The following TTC7A variants were observed in gnomAD, a reference collection of about 807,000 sequenced individuals.
TTC7A encodes tetratricopeptide repeat domain 7A.
Under a neutral mutation model 103.7 loss-of-function variants are expected in TTC7A, and 110 were observed. The observed-to-expected ratio is 1.06, with a 90% CI of 0.91 to 1.24. TTC7A has a LOEUF of 1.24. Among genes scored for constraint, TTC7A ranks in the 50% most tolerant of loss-of-function variants. The pLI is 0.00. For missense variants in TTC7A, 1,340 were observed against 1,116.3 expected, an observed-to-expected ratio of 1.20 and a Z score of -2.86; for synonymous variants, 521 against 467.9, an observed-to-expected ratio of 1.11 and a Z score of -1.47.
At chr2:46,979,268 T>C (rs1209036652) in intron 5 of TTC7A, among the ~76,000 whole-genome samples, 2 of 152,120 alleles carry the variant, frequency 1.3e-5, no homozygotes, top group Non-Finnish European at 2.9e-5. Flanking sequence ...TTGTCTACTG[T>C]TGTCTGCAGT....
intron 3 of TTC7A, among the ~76,000 whole-genome samples, chr2:46,967,104 T>C (rs1672928274): frequency 6.6e-6 from 1 of 151,946 alleles, no homozygotes; most frequent in African/African-American, 2.4e-5. Context: ...TTCCAGCTAC[T>C]CAGGAGGCTG....
chr2:47,010,823 C>T (rs1332148188), intron 10 of TTC7A, among the ~76,000 whole-genome samples: 1 of 152,208 alleles, frequency 6.6e-6, no homozygotes, highest in African/African-American at 2.4e-5. Context: ...TCTCAGCCTC[C>T]TGAGTCGTTG....
At chr2:47,024,155 GC>G (rs766037376) in intron 13 of TTC7A, 131 bp from the exon 14 acceptor site, 16 of 742,744 alleles carry the variant, frequency 2.2e-5, no homozygotes, top group Non-Finnish European at 2.6e-5. Flanking sequence ...CCCCTCTGAG[GC>G]AGAGCCTGGC....
intron 11 of TTC7A, 58 bp from the exon 12 acceptor site, chr2:47,021,804 T>C (rs1386211137): frequency 7.2e-7 from 1 of 1,381,394 alleles, no homozygotes; most frequent in Non-Finnish European, 1.0e-6. Context: ...AGGGAGTCAT[T>C]CACTGGTAGA....
chr2:46,950,556 T>A (rs770005025), intron 2 of TTC7A, 30 bp downstream of exon 2: 10 of 1,610,872 alleles, frequency 6.2e-6, no homozygotes. Context: ...GCCTGAGACC[T>A]CCTCTCCTCG....
Position 47,024,195 on chromosome 2 carries a change from G to A in TTC7A, c.1569-92G>A, listed in dbSNP as rs79506991. The A allele has an allele frequency of 2.3e-3, 2,632 of 1,146,600 alleles. 5 individuals are homozygous for A. The highest frequency in any genetic ancestry group is 3.5e-3 in the African/African-American group (221 of 62,664). The allele number at this position is 1,146,600 out of a possible 1,614,324, so 71.0% of individuals were successfully genotyped here. A position where few individuals can be genotyped will look rare whatever the true frequency, so the allele number is the denominator to read the frequency against. The stretch of plus-strand genomic sequence containing the variant: ...ATCCCCCAGGGTATTGCCTCATAGC[G>A]CCCAGCACAGGGCTGGCATGCTGGA... On this transcript the variant is annotated intron_variant, in intron 13 of 19. Coordinates refer to ENST00000319190, the MANE Select transcript of TTC7A (RefSeq NM_020458.4).
At chr2:47,030,886 C>G (rs1680461780) in intron 15 of TTC7A, among the ~76,000 whole-genome samples, 1 of 152,244 alleles carries the variant, frequency 6.6e-6, no homozygotes, top group Non-Finnish European at 1.5e-5. Context: ...TGGCTCATGC[C>G]TATAATCCCA....
intron 1 of TTC7A, among the ~76,000 whole-genome samples, chr2:46,947,058 C>T (rs1439655649): frequency 6.6e-6 from 1 of 152,172 alleles, no homozygotes; most frequent in Admixed American, 6.5e-5. Flanking sequence ...AAGGACAGTT[C>T]TTATCCCTGT....
intron 19 of TTC7A, among the ~76,000 whole-genome samples, chr2:47,062,867 A>G (rs770713450): frequency 6.6e-6 from 1 of 152,042 alleles, no homozygotes; most frequent in Non-Finnish European, 1.5e-5. Context: ...TGCCTTGCTG[A>G]TTTGATGAAA....
chr2:47,046,309 C>A lies in TTC7A; in HGVS notation c.1803-6C>A, dbSNP rs1366036526. 7 of 1,612,896 alleles carry A rather than the reference C, an allele frequency of 4.3e-6. No homozygotes were observed. Among genetic ancestry groups the A allele is most frequent in the African/African-American group, 2.7e-5 (2 of 74,914 alleles). The stretch of plus-strand genomic sequence containing the variant: ...GTGTGCTGATGGCCACTCTCCGTCC[C>A]CACAGCCTGATGTTCACCAAGGTGA... On this transcript the variant is annotated splice_region_variant and splice_polypyrimidine_tract_variant and intron_variant, in intron 15 of 19. Coordinates refer to ENST00000319190, the MANE Select transcript of TTC7A (RefSeq NM_020458.4).
chr2:47,072,237 C>T (rs1684799597), intron 19 of TTC7A, among the ~76,000 whole-genome samples: 1 of 152,208 alleles, frequency 6.6e-6, no homozygotes, highest in Admixed American at 6.5e-5. Flanking sequence ...CTCCACCCCG[C>T]CTGCAGCCAC....
intron 11 of TTC7A, among the ~76,000 whole-genome samples, chr2:47,011,949 G>A (rs947454547): frequency 4.6e-5 from 7 of 152,258 alleles, no homozygotes; most frequent in African/African-American, 1.7e-4. Flanking sequence ...ACTGCTCTCT[G>A]CAGAAGCAGC....
Position 47,074,230 on chromosome 2 carries a change from C to G in TTC7A, c.*307C>G, listed in dbSNP as rs1685035102. The stretch of plus-strand genomic sequence containing the variant: ...CCTCACAGCTGTCCTTCACCCTCAC[C>G]CATGCCTCTGGCTTGGAGTCTGGGT... On this transcript the variant is annotated 3_prime_UTR_variant, in exon 20 of 20. Transcript: ENST00000319190. 1 of 430,018 alleles carries G rather than the reference C, an allele frequency of 2.3e-6. No individual in the cohort carries two copies. Among genetic ancestry groups the G allele is most frequent in the Non-Finnish European group, 4.3e-6 (1 of 234,374 alleles). The allele number at this position is 430,018 out of a possible 1,614,324, so 26.6% of individuals were successfully genotyped here.
chr2:47,028,100 C>T lies in TTC7A; in HGVS notation c.1642-1124C>T, dbSNP rs191402965. ...TCGGGTGTCTTTTGCATCCAGGGGA[C>T]TCTTGGGACCCATCCTGGGGGTGTT... is the stretch of plus-strand genomic sequence containing the variant. On this transcript the variant is annotated intron_variant, in intron 14 of 19. Transcript: ENST00000319190. 1.9e-3 allele frequency among the ~76,000 whole-genome samples: 285 copies of T among 152,182 alleles called. 1 individual carries two copies. The highest frequency in any genetic ancestry group is 6.4e-3 in the African/African-American group (267 of 41,526).
intron 19 of TTC7A, 117 bp from the exon 20 acceptor site, chr2:47,073,585 C>T (rs1319555333): frequency 1.5e-5 from 13 of 851,480 alleles, no homozygotes; most frequent in East Asian, 2.5e-5. Flanking sequence ...GCCAGAGACG[C>T]GGGAATCCTC....
intron 11 of TTC7A, among the ~76,000 whole-genome samples, chr2:47,012,856 C>G (rs1678228718): frequency 6.6e-6 from 1 of 152,210 alleles, no homozygotes. Flanking sequence ...TGCCCCATCC[C>G]CTCTGTGGCT....
intron 9 of TTC7A, 52 bp downstream of exon 9, chr2:47,006,111 A>G (rs1477591244): frequency 6.3e-7 from 1 of 1,595,766 alleles, no homozygotes; most frequent in Non-Finnish European, 8.5e-7. Flanking sequence ...GTGGTCTGTA[A>G]AGGAAATCAG....
At chr2:46,987,430 C>A (rs1473528662) in intron 5 of TTC7A, among the ~76,000 whole-genome samples, 1 of 152,178 alleles carries the variant, frequency 6.6e-6, no homozygotes, top group African/African-American at 2.4e-5. Flanking sequence ...AGCTGGTTGT[C>A]CCTGTCAGTG....
At chr2:47,024,942 C>T (rs1221177977) in intron 14 of TTC7A, among the ~76,000 whole-genome samples, 2 of 152,224 alleles carry the variant, frequency 1.3e-5, no homozygotes, top group Non-Finnish European at 2.9e-5. Context: ...ACCTCAGGTC[C>T]TTCAGAGCCT....
Sources: gnomAD v4.1 joint callset for allele counts (sites outside exome capture counted in the v4.1 genomes callset) on GRCh38, gnomAD v4.1.1 for gene constraint, MANE v1.5 for transcripts, NCBI Gene and HGNC (gene_info 2026-07-23, HGNC 2026-07-21) for gene names.